PRDM5: variants seen among roughly 807,000 people sequenced by gnomAD.
PRDM5 encodes the protein PR/SET domain 5, also known as PR domain zinc finger protein 5.
PRDM5 carries 56 observed loss-of-function variants against 81.2 expected under a neutral mutation model. That is an observed-to-expected ratio of 0.69 (90% CI 0.56 to 0.86). The LOEUF (loss-of-function observed/expected upper bound fraction) is 0.86. Ranked by LOEUF, PRDM5 falls within the 40% of genes least tolerant of loss-of-function variation. PRDM5 has a pLI of 0.00. For missense variants in PRDM5, 697 were observed against 770.1 expected (o/e 0.91, Z 1.12); for synonymous variants, 267 against 256.4 (o/e 1.04, Z -0.39).
intron 2 of PRDM5, among the ~76,000 whole-genome samples, chr4:120,867,630 C>T (rs545055307): frequency 7.2e-5 from 11 of 152,264 alleles, no homozygotes; most frequent in African/African-American, 2.4e-4. Flanking sequence ...TAAAGGGAAG[C>T]AGTTGGGAAA....
chr4:120,778,436 C>T (rs912569050), intron 12 of PRDM5, among the ~76,000 whole-genome samples: 2 of 152,126 alleles, frequency 1.3e-5, no homozygotes, highest in African/African-American at 4.8e-5. Context: ...CACCTGACAA[C>T]ATCAAAGAAC....
intron 2 of PRDM5, among the ~76,000 whole-genome samples, chr4:120,889,098 C>G (rs1009677825): frequency 1.3e-5 from 2 of 152,010 alleles, no homozygotes; most frequent in African/African-American, 4.8e-5. Context: ...TATCATTTTT[C>G]CACTTAAGGT....
intron 13 of PRDM5, among the ~76,000 whole-genome samples, chr4:120,760,386 A>G (rs773735547): frequency 3.3e-5 from 5 of 152,172 alleles, no homozygotes; most frequent in Non-Finnish European, 5.9e-5. Flanking sequence ...AACTACATAC[A>G]GGTAGTCACT....
chr4:120,687,898 C>T (rs141081321), downstream of PRDM5, among the ~76,000 whole-genome samples: 81 of 152,168 alleles, frequency 5.3e-4, no homozygotes, highest in East Asian at 9.7e-3. Context: ...TTGGACTTCC[C>T]GACATCCAGA....
chr4:120,811,713 C>T (rs894662501), intron 7 of PRDM5, among the ~76,000 whole-genome samples: 1 of 151,948 alleles, frequency 6.6e-6, no homozygotes, highest in Non-Finnish European at 1.5e-5. Context: ...CAAGAGAATG[C>T]AGAAGCTTAT....
intron 1 of PRDM5, among the ~76,000 whole-genome samples, chr4:120,911,849 G>A (rs1766550429): frequency 6.6e-6 from 1 of 152,150 alleles, no homozygotes; most frequent in South Asian, 2.1e-4. Flanking sequence ...CATACTGTCA[G>A]TGAGAGAAAA....
chr4:120,802,454 G>A (rs1342378412), intron 8 of PRDM5, among the ~76,000 whole-genome samples: 8 of 152,206 alleles, frequency 5.3e-5, no homozygotes, highest in African/African-American at 9.7e-5. Flanking sequence ...GGAGGCATCC[G>A]CCAATAGGGG....
At chr4:120,760,107 T>G (rs1745384877) in intron 13 of PRDM5, among the ~76,000 whole-genome samples, 1 of 152,206 alleles carries the variant, frequency 6.6e-6, no homozygotes, top group Non-Finnish European at 1.5e-5. Flanking sequence ...TTGAACCCAC[T>G]CTTAACCTCA....
At chr4:120,853,212 C>A (rs1759486932) in intron 3 of PRDM5, among the ~76,000 whole-genome samples, 1 of 152,180 alleles carries the variant, frequency 6.6e-6, no homozygotes, top group Non-Finnish European at 1.5e-5. Context: ...CTCAGGAATT[C>A]TCATAAAGTA....
chr4:120,860,385 G>A (rs1227836003), intron 2 of PRDM5, among the ~76,000 whole-genome samples: 3 of 149,078 alleles, frequency 2.0e-5, no homozygotes, highest in Admixed American at 2.0e-4. Flanking sequence ...TTTTAAATTG[G>A]GCTAATTTTT....
At chr4:120,861,801 A>C (rs1760629552) in intron 2 of PRDM5, among the ~76,000 whole-genome samples, 1 of 152,136 alleles carries the variant, frequency 6.6e-6, no homozygotes, top group African/African-American at 2.4e-5. Flanking sequence ...CGTCTCAAAA[A>C]AAAAAAGAAA....
At chr4:120,760,669 A>G (rs1369286602) in intron 13 of PRDM5, among the ~76,000 whole-genome samples, 1 of 152,182 alleles carries the variant, frequency 6.6e-6, no homozygotes, top group Non-Finnish European at 1.5e-5. Flanking sequence ...GTAACTATAA[A>G]AAGTTGATTT....
intron 8 of PRDM5, among the ~76,000 whole-genome samples, chr4:120,801,985 T>C (rs1162436754): frequency 6.6e-6 from 1 of 152,214 alleles, no homozygotes; most frequent in Non-Finnish European, 1.5e-5. Flanking sequence ...GTTTAATTTC[T>C]ATTGATATAT....
rs78574108 is a variant in PRDM5 at position 120,893,757 on chromosome 4, G to A, written c.177+13717C>T. 3.1e-3 allele frequency among the ~76,000 whole-genome samples: 473 copies of A among 152,100 alleles called. 3 individuals carry two copies. The highest frequency in any genetic ancestry group is 0.011 in the African/African-American group (451 of 41,488). ...TATTTTAGTTTTCGCATTCACATTCGGAACATATCTATTTTCGAATGTATT... is the reference window on the plus strand; with the variant it reads ...TATTTTAGTTTTCGCATTCACATTCAGAACATATCTATTTTCGAATGTATT... On this transcript the variant is annotated intron_variant, in intron 2 of 15. Transcript: ENST00000264808.
At chr4:120,790,937 T>C (rs912822344) in intron 10 of PRDM5, among the ~76,000 whole-genome samples, 1 of 151,470 alleles carries the variant, frequency 6.6e-6, no homozygotes, top group Admixed American at 6.6e-5. Flanking sequence ...AGCAAGACCT[T>C]GTCAAAAACA....
At chr4:120,870,082 G>A (rs548863948) in intron 2 of PRDM5, among the ~76,000 whole-genome samples, 1 of 152,066 alleles carries the variant, frequency 6.6e-6, no homozygotes, top group Non-Finnish European at 1.5e-5. Context: ...GGAGGAGAAG[G>A]GGAGAAACAG....
At chr4:120,901,905 G>A (rs940823510) in intron 2 of PRDM5, among the ~76,000 whole-genome samples, 2 of 152,274 alleles carry the variant, frequency 1.3e-5, no homozygotes, top group East Asian at 1.9e-4. Flanking sequence ...CCACAGAAAC[G>A]TTCAAAGACT....
intron 1 of PRDM5, among the ~76,000 whole-genome samples, chr4:120,920,546 A>G (rs1011413842): frequency 1.3e-5 from 2 of 152,208 alleles, no homozygotes; most frequent in East Asian, 3.8e-4. Flanking sequence ...CTGCAGCCTC[A>G]CAATTCAGCT....
chr4:120,796,636 T>G (rs1045207752), intron 10 of PRDM5, among the ~76,000 whole-genome samples: 1 of 152,144 alleles, frequency 6.6e-6, no homozygotes, highest in African/African-American at 2.4e-5. Context: ...GAATGTACAA[T>G]GCTTGAGGTA....
Sources: gnomAD v4.1 joint callset for allele counts (sites outside exome capture counted in the v4.1 genomes callset) on GRCh38, gnomAD v4.1.1 for gene constraint, MANE v1.5 for transcripts, NCBI Gene and HGNC (gene_info 2026-07-23, HGNC 2026-07-21) for gene names.